The following RAB11FIP2 variants were observed in gnomAD, a reference collection of about 807,000 sequenced individuals.
RAB11FIP2 encodes the protein rab11 family-interacting protein 2.
A neutral mutation model predicts 40.9 loss-of-function variants in RAB11FIP2; 16 were observed. The ratio of observed to expected loss-of-function variants is 0.39; its 90% CI spans 0.26 to 0.59. RAB11FIP2 has a LOEUF of 0.59. Ranked by LOEUF, RAB11FIP2 falls within the 20% of genes least tolerant of loss-of-function variation. The probability of loss-of-function intolerance (pLI) is 0.53; values close to 1 mark genes in which losing one functional copy is unlikely to be tolerated. For missense variants in RAB11FIP2, 532 were observed against 606.2 expected (o/e 0.88, Z 1.28); for synonymous variants, 228 against 213.7 (o/e 1.07, Z -0.58).
intron 3 of RAB11FIP2, among the ~76,000 whole-genome samples, chr10:118,026,675 C>A (rs1262859761): frequency 6.6e-6 from 1 of 152,198 alleles, no homozygotes; most frequent in East Asian, 1.9e-4. Flanking sequence ...ATGAAATTGT[C>A]ACCATGCCTT....
At chr10:118,013,282 T>C (rs992471238) in intron 4 of RAB11FIP2, among the ~76,000 whole-genome samples, 2 of 151,990 alleles carry the variant, frequency 1.3e-5, no homozygotes, top group African/African-American at 4.8e-5. Flanking sequence ...ATGAGGAACT[T>C]TGCTCTGGGA....
chr10:118,030,680 TATCTCA>T (rs1327296470), intron 3 of RAB11FIP2, among the ~76,000 whole-genome samples: 2 of 151,894 alleles, frequency 1.3e-5, no homozygotes, highest in East Asian at 3.9e-4. Context: ...AATCTTGCTA[TATCTCA>T]ATCTCTCAAG....
chr10:118,012,486 T>TA (rs1391251323), intron 4 of RAB11FIP2, among the ~76,000 whole-genome samples: 12 of 151,908 alleles, frequency 7.9e-5, no homozygotes, highest in Admixed American at 7.9e-4. Context: ...GTAAACCTTC[T>TA]AATTTTAGGC....
At chr10:118,015,950 A>G (rs1270921961) in intron 3 of RAB11FIP2, among the ~76,000 whole-genome samples, 1 of 152,248 alleles carries the variant, frequency 6.6e-6, no homozygotes, top group Non-Finnish European at 1.5e-5. Flanking sequence ...CAACTGTAAA[A>G]TATGTATGTT....
chr10:118,043,158 T>C (rs1488010052), intron 1 of RAB11FIP2, among the ~76,000 whole-genome samples: 4 of 152,068 alleles, frequency 2.6e-5, no homozygotes, highest in Admixed American at 6.6e-5. Context: ...TCCCAAGCAA[T>C]TGGTGCTGTG....
At chr10:118,033,736 T>C (rs903029540) in intron 3 of RAB11FIP2, among the ~76,000 whole-genome samples, 1 of 152,124 alleles carries the variant, frequency 6.6e-6, no homozygotes, top group Non-Finnish European at 1.5e-5. Flanking sequence ...GGAGTTTGGA[T>C]TTGGTGTTGC....
intron 3 of RAB11FIP2, among the ~76,000 whole-genome samples, chr10:118,024,304 T>A (rs149180528): frequency 6.6e-6 from 1 of 152,070 alleles, no homozygotes; most frequent in Non-Finnish European, 1.5e-5. Context: ...CTCAGATGAA[T>A]TTTTGCATTT....
At position 118,009,192 on chromosome 10, in the gene RAB11FIP2, G is replaced by A. The variant is rs761528205; in HGVS notation, c.1345C>T (p.Arg449Cys). 6 of 1,613,394 alleles carry A rather than the reference G, an allele frequency of 3.7e-6. No individual in the cohort carries two copies. The highest frequency in any genetic ancestry group is 2.2e-5 in the East Asian group (1 of 44,866). Residue 449 changes from arginine to cysteine, a missense_variant, in exon 5 of 5, where the codon CGT becomes TGT. Coordinates refer to ENST00000355624, the MANE Select transcript of RAB11FIP2 (RefSeq NM_014904.3). ...AGAACCTCTTCATAGGTCAGACTAC[G>A]ATACCCTGCAGTGGCATCAAAGGGG... ...SNPFDATAGY[R>C]SLTYEEVLQE... is the part of the protein sequence containing the mutation.
chr10:118,008,777 T>G lies in RAB11FIP2; in HGVS notation c.*221A>C. 1.9e-6 allele frequency: 1 copy of G among 522,936 alleles called. No homozygotes were observed. Among genetic ancestry groups the G allele is most frequent in the Non-Finnish European group, 3.4e-6 (1 of 291,284 alleles). The allele number at this position is 522,936 out of a possible 1,614,324, so 32.4% of individuals were successfully genotyped here. On this transcript the variant is annotated 3_prime_UTR_variant, in exon 5 of 5. Coordinates refer to ENST00000355624, the MANE Select transcript of RAB11FIP2 (RefSeq NM_014904.3). ...TAAGGAACCACTTATTCATTGAGAA[T>G]CTGGCCCATTTTCAATTTAAACATT... is the stretch of plus-strand genomic sequence containing the variant.
At chr10:118,028,944 C>T (rs1475207662) in intron 3 of RAB11FIP2, among the ~76,000 whole-genome samples, 1 of 151,814 alleles carries the variant, frequency 6.6e-6, no homozygotes, top group Non-Finnish European at 1.5e-5. Flanking sequence ...TGTTTTCATG[C>T]TAACTTGCTA....
intron 3 of RAB11FIP2, among the ~76,000 whole-genome samples, chr10:118,027,954 G>A (rs1184446515): frequency 6.6e-6 from 1 of 152,102 alleles, no homozygotes; most frequent in Non-Finnish European, 1.5e-5. Flanking sequence ...CCAATTTCCA[G>A]TAGACTGAAC....
At position 118,046,427 on chromosome 10, in the gene RAB11FIP2, C is replaced by G. The variant is rs1304026020; in HGVS notation, c.-264G>C. 9.3e-6 allele frequency: 4 copies of G among 431,986 alleles called. No individual in the cohort carries two copies. Among genetic ancestry groups the G allele is most frequent in the African/African-American group, 6.1e-5 (3 of 49,552 alleles). 26.8% of individuals were successfully genotyped at this position (431,986 alleles called of 1,614,324 possible). On this transcript the variant is annotated 5_prime_UTR_variant, in exon 1 of 5. Transcript: ENST00000355624. Reference sequence around the variant, plus strand: ...CGCCGTGCAGGCCTCTGCGCGGACCCCCGCCCCTGTCTCCACCTTCCCCAG... The same window carrying G: ...CGCCGTGCAGGCCTCTGCGCGGACCGCCGCCCCTGTCTCCACCTTCCCCAG...
chr10:118,014,078 C>T lies in RAB11FIP2; in HGVS notation c.1311+987G>A, dbSNP rs148902019. On this transcript the variant is annotated intron_variant, in intron 4 of 4. Transcript: ENST00000355624. ...AATCGTTTAAATAAAACAGCAAAAA[C>T]ACAGTACAAAGTCCTGTGCTTCTGT... Among the ~76,000 whole-genome samples, 670 of 152,160 alleles carry T rather than the reference C, an allele frequency of 4.4e-3. 3 individuals are homozygous for T. Among genetic ancestry groups the T allele is most frequent in the African/African-American group, 0.015 (624 of 41,544 alleles).
chr10:118,009,124 G>T lies in RAB11FIP2; in HGVS notation c.1413C>A (p.Asp471Glu). 1 of 1,613,570 alleles carries T rather than the reference G, an allele frequency of 6.2e-7. No individual in the cohort carries two copies. The highest frequency in any genetic ancestry group is 8.5e-7 in the Non-Finnish European group (1 of 1,179,556). The change falls in exon 5 of 5, where the codon GAC becomes GAA. Residue 471 changes from aspartate (D) to glutamate (E), a missense_variant. Asp to Glu is a conservative substitution (Grantham distance 45, BLOSUM62 2). Coordinates refer to ENST00000355624, the MANE Select transcript of RAB11FIP2 (RefSeq NM_014904.3). ...VKHKELLRRK[D>E]THIRELEDYI... is the part of the protein sequence containing the mutation. ...AGTCCTCGAGTTCCCGGATGTGGGT[G>T]TCTTTCCTCCTAAGGAGTTCTTTGT...
rs968872767 is a variant in RAB11FIP2, at chr10:118,005,910, A to C, written c.*3088T>G. 2.0e-5 allele frequency: 3 copies of C among 152,588 alleles called. No individual in the cohort carries two copies. Among genetic ancestry groups the C allele is most frequent in the Non-Finnish European group, 4.4e-5 (3 of 68,034 alleles). The allele number at this position is 152,588 out of a possible 1,614,324, so 9.5% of individuals were successfully genotyped here. Reference sequence around the variant, plus strand: ...GTTTTACTTAGGTTTCCATTCATGAAACCCTTTTAAATACAAGGCAACATT... The same window carrying C: ...GTTTTACTTAGGTTTCCATTCATGACACCCTTTTAAATACAAGGCAACATT... On this transcript the variant is annotated 3_prime_UTR_variant, in exon 5 of 5. Coordinates refer to ENST00000355624, the MANE Select transcript of RAB11FIP2 (RefSeq NM_014904.3).
chr10:118,016,292 G>C (rs967866762), intron 3 of RAB11FIP2, among the ~76,000 whole-genome samples: 1 of 152,190 alleles, frequency 6.6e-6, no homozygotes, highest in African/African-American at 2.4e-5. Context: ...CATGTAGAGA[G>C]AGTGAAACAT....
At chr10:118,029,860 AC>A (rs539715608) in intron 3 of RAB11FIP2, among the ~76,000 whole-genome samples, 45 of 152,298 alleles carry the variant, frequency 3.0e-4, no homozygotes, top group African/African-American at 8.7e-4. Context: ...ACAGGAAATA[AC>A]TGGACCAAAT....
intron 4 of RAB11FIP2, among the ~76,000 whole-genome samples, chr10:118,014,399 A>G (rs902313234): frequency 2.0e-5 from 3 of 152,166 alleles, no homozygotes; most frequent in Non-Finnish European, 4.4e-5. Context: ...TTTATTCTCT[A>G]CGTTTAATAT....
At chr10:118,027,135 A>C (rs533846500) in intron 3 of RAB11FIP2, among the ~76,000 whole-genome samples, 1 of 152,218 alleles carries the variant, frequency 6.6e-6, no homozygotes, top group African/African-American at 2.4e-5. Context: ...TGTGTAAAAC[A>C]CTACCCTCAG....
Sources: gnomAD v4.1 joint callset for allele counts (sites outside exome capture counted in the v4.1 genomes callset) on GRCh38, gnomAD v4.1.1 for gene constraint, MANE v1.5 for transcripts, NCBI Gene and HGNC (gene_info 2026-07-23, HGNC 2026-07-21) for gene names.